Variants in MUSK observed in about 807,000 individuals in gnomAD.
The protein encoded by MUSK is muscle associated receptor tyrosine kinase, also known as muscle, skeletal receptor tyrosine-protein kinase.
MUSK carries 55 observed loss-of-function variants against 88.7 expected under a neutral mutation model. That is an observed-to-expected ratio of 0.62 (90% CI 0.50 to 0.78). The LOEUF is 0.78. Ranked by LOEUF, MUSK falls within the 30% of genes least tolerant of loss-of-function variation. The pLI is 0.00. For missense variants in MUSK, 1,015 were observed against 1,074.3 expected (o/e 0.94, Z 0.77); for synonymous variants, 387 against 391.9 (o/e 0.99, Z 0.15).
At position 110,775,983 on chromosome 9, in the gene MUSK, A is replaced by G. The variant is rs534825340; in HGVS notation, c.1360+20A>G. 3 of 1,580,126 alleles carry G rather than the reference A, an allele frequency of 1.9e-6. No homozygotes were observed. The highest frequency in any genetic ancestry group is 2.3e-5 in the East Asian group (1 of 44,406). On this transcript the variant is annotated intron_variant, in intron 10 of 14. Coordinates refer to ENST00000374448, the MANE Select transcript of MUSK (RefSeq NM_005592.4). The stretch of plus-strand genomic sequence containing the variant: ...ATCTAGGTAACACAGAGTTCTCCCA[A>G]GACTTTGGAGGTTAAGAGAAATTTA...
intron 5 of MUSK, chr9:110,728,253 T>C (rs2076914049): frequency 6.1e-6 from 1 of 164,888 alleles, no homozygotes; most frequent in Admixed American, 6.2e-5. Flanking sequence ...AAATGATAGC[T>C]GAGATCCCAG....
chr9:110,689,982 ATAT>A (rs1244864071), intron 3 of MUSK, among the ~76,000 whole-genome samples: 6 of 61,070 alleles, frequency 9.8e-5, no homozygotes, highest in African/African-American at 4.7e-4. Flanking sequence ...TATATTATAA[ATAT>A]TATAATTATA....
At position 110,801,671 on chromosome 9, in the gene MUSK, A is replaced by G. The variant is rs942762661; in HGVS notation, c.*683A>G. ...GCCCCTCCTTTTTTCCTTTCTGTGC[A>G]TTTGTCATGAATTAAGTCTGCTTAT... is the stretch of plus-strand genomic sequence containing the variant. On this transcript the variant is annotated 3_prime_UTR_variant, in exon 15 of 15. Coordinates refer to ENST00000374448, the MANE Select transcript of MUSK (RefSeq NM_005592.4). The G allele has an allele frequency of 3.3e-5, 5 of 151,988 alleles. No homozygotes were observed. Among genetic ancestry groups the G allele is most frequent in the African/African-American group, 1.2e-4 (5 of 41,382 alleles). 9.4% of individuals were successfully genotyped at this position (151,988 alleles called of 1,614,324 possible). A position where few individuals can be genotyped will look rare whatever the true frequency, so the allele number is the denominator to read the frequency against.
intron 5 of MUSK, among the ~76,000 whole-genome samples, chr9:110,725,844 A>G (rs1009273052): frequency 1.3e-5 from 2 of 152,104 alleles, no homozygotes; most frequent in African/African-American, 4.8e-5. Flanking sequence ...TTAAATGGGA[A>G]TAAAGACTAT....
In MUSK at chr9:110,756,540, TA is replaced by T. The variant is rs145365346; in HGVS notation, c.914-5649del. Among the ~76,000 whole-genome samples, 848 of 143,738 alleles carry T rather than the reference TA, an allele frequency of 5.9e-3. 1 individual carries two copies. The highest frequency in any genetic ancestry group is 0.023 in the East Asian group (115 of 4,992). 94.3% of individuals were successfully genotyped at this position (143,738 alleles called of 152,430 possible). On this transcript the variant is annotated intron_variant, in intron 7 of 14. Transcript: ENST00000374448. Reference sequence around the variant, plus strand: ...AATTCTTTTTAGACAGTAATATTATTAAAAAAAAAAAAAGACAAAACAAATG... The same window carrying T: ...AATTCTTTTTAGACAGTAATATTATTAAAAAAAAAAAAGACAAAACAAATG...
intron 2 of MUSK, among the ~76,000 whole-genome samples, chr9:110,684,700 T>G (rs2076172461): frequency 6.6e-6 from 1 of 152,068 alleles, no homozygotes; most frequent in South Asian, 2.1e-4. Flanking sequence ...TTCACTTCTT[T>G]GATTAATTCC....
At chr9:110,763,308 A>C (rs1191404498) in intron 8 of MUSK, among the ~76,000 whole-genome samples, 1 of 152,208 alleles carries the variant, frequency 6.6e-6, no homozygotes, top group Non-Finnish European at 1.5e-5. Flanking sequence ...GTTCAAAAAA[A>C]AGAAAAAATT....
chr9:110,765,666 C>A (rs985833782), intron 8 of MUSK, among the ~76,000 whole-genome samples: 1 of 152,208 alleles, frequency 6.6e-6, no homozygotes, highest in South Asian at 2.1e-4. Flanking sequence ...CTCTGCCCCC[C>A]AGATTCAAGT....
Position 110,706,201 on chromosome 9 carries a change from A to T in MUSK, c.628+8735A>T, listed in dbSNP as rs956161243. Reference sequence around the variant, plus strand: ...AAAAATAAATCAACCATATTGGCTCATAAAGCTTTCTTTATTTTTAACTAG... The same window carrying T: ...AAAAATAAATCAACCATATTGGCTCTTAAAGCTTTCTTTATTTTTAACTAG... On this transcript the variant is annotated intron_variant, in intron 5 of 14. Coordinates refer to ENST00000374448, the MANE Select transcript of MUSK (RefSeq NM_005592.4). The T allele has an allele frequency of 7.2e-6, 3 of 417,028 alleles. No individual in the cohort carries two copies. The East Asian group carries it at 2.1e-4, about 29-fold the overall frequency. The allele number at this position is 417,028 out of a possible 1,614,324, so 25.8% of individuals were successfully genotyped here. A position where few individuals can be genotyped will look rare whatever the true frequency, so the allele number is the denominator to read the frequency against.
intron 14 of MUSK, among the ~76,000 whole-genome samples, chr9:110,797,868 T>C (rs2061195796): frequency 5.9e-5 from 9 of 152,212 alleles, no homozygotes; most frequent in Admixed American, 5.9e-4. Context: ...CTTAAAATGT[T>C]GACTCTGTAT....
At chr9:110,681,046 TATATTATATATTATATATATA>T (rs1564209487) in intron 1 of MUSK, among the ~76,000 whole-genome samples, 1 of 24,168 alleles carries the variant, frequency 4.1e-5, no homozygotes, top group East Asian at 4.5e-4. Context: ...TTATATAATA[TATATTATATATTATATATATA>T]ATATTATATA....
In MUSK at chr9:110,804,886, A is replaced by T. The variant is rs531404438; in HGVS notation, c.*3898A>T. Among the ~76,000 whole-genome samples, 7 of 152,056 alleles carry T rather than the reference A, an allele frequency of 4.6e-5. No homozygotes were observed. In the South Asian group the frequency reaches 8.3e-4, roughly 18 times the overall value. On this transcript the variant is annotated 3_prime_UTR_variant, in exon 15 of 15. Transcript: ENST00000374448. Reference sequence around the variant, plus strand: ...GGTAAGTAGGTTGGTAGGTAAATAGATAGATAGATGATACATAGAGAGAGA... The same window carrying T: ...GGTAAGTAGGTTGGTAGGTAAATAGTTAGATAGATGATACATAGAGAGAGA...
chr9:110,755,898 G>A (rs1333589792), intron 7 of MUSK, among the ~76,000 whole-genome samples: 1 of 128,260 alleles, frequency 7.8e-6, no homozygotes, highest in Non-Finnish European at 1.6e-5. Context: ...ACAATTGCAA[G>A]GTACATTCTC....
intron 5 of MUSK, among the ~76,000 whole-genome samples, chr9:110,703,229 G>A (rs992085132): frequency 1.3e-5 from 2 of 151,874 alleles, no homozygotes; most frequent in African/African-American, 4.8e-5. Flanking sequence ...GCAAAAGGAG[G>A]AATAAGGAAA....
chr9:110,785,844 A>G (rs1202355087), intron 13 of MUSK, 126 bp downstream of exon 13: 7 of 506,880 alleles, frequency 1.4e-5, no homozygotes, highest in African/African-American at 1.9e-5. Context: ...ATATATATAT[A>G]TATCAAGCTA....
Position 110,734,272 on chromosome 9 carries a change from C to T in MUSK, c.650C>T (p.Ala217Val), listed in dbSNP as rs373491066. ...EVEVFARILR[A>V]PESHNVTFGS... The stretch of plus-strand genomic sequence containing the variant: ...ACAGTTTTTGCCAGGATCCTGCGGG[C>T]TCCTGAATCCCACAATGTCACCTTT... The change falls in exon 6 of 15, where the codon GCT (alanine) becomes GTT (valine). Residue 217 changes from alanine (A) to valine (V), a missense_variant. By Grantham distance (64) the Ala-to-Val change is moderately conservative. Coordinates refer to ENST00000374448, the MANE Select transcript of MUSK (RefSeq NM_005592.4). The T allele has an allele frequency of 4.3e-6, 7 of 1,612,902 alleles. No homozygotes were observed. Among genetic ancestry groups the T allele is most frequent in the Non-Finnish European group, 5.9e-6 (7 of 1,179,330 alleles).
intron 14 of MUSK, among the ~76,000 whole-genome samples, chr9:110,799,476 A>G (rs1438891345): frequency 1.3e-5 from 2 of 152,254 alleles, no homozygotes; most frequent in Non-Finnish European, 2.9e-5. Context: ...AGCAACTTAA[A>G]TACTTCATCT....
intron 9 of MUSK, among the ~76,000 whole-genome samples, chr9:110,770,370 GAT>G (rs1302818999): frequency 1.4e-5 from 2 of 144,076 alleles, no homozygotes; most frequent in East Asian, 3.9e-4. Context: ...TACTTAATAT[GAT>G]ATAACTAATT....
chr9:110,775,923 G>T lies in MUSK; in HGVS notation c.1320G>T (p.Met440Ile). 1 of 1,613,954 alleles carries T rather than the reference G, an allele frequency of 6.2e-7. No individual in the cohort carries two copies. Among genetic ancestry groups the T allele is most frequent in the Non-Finnish European group, 8.5e-7 (1 of 1,179,826 alleles). Residue 440 changes from methionine (M) to isoleucine (I), a missense_variant, in exon 10 of 15, where the codon ATG becomes ATT. Transcript: ENST00000374448. ...SVPECSKLPS[M>I]HWDPTACARL... ...CAGAATGCAGCAAGCTTCCCAGCAT[G>T]CATTGGGACCCCACGGCCTGTGCCA... is the stretch of plus-strand genomic sequence containing the variant.
Sources: allele counts gnomAD v4.1 joint callset (sites outside exome capture counted in the v4.1 genomes callset), GRCh38; gene constraint gnomAD v4.1.1; transcripts MANE v1.5; gene names NCBI Gene and HGNC (gene_info 2026-07-23, HGNC 2026-07-21).